The following OPRD1 variants were observed in gnomAD, a reference collection of about 807,000 sequenced individuals.
OPRD1 encodes delta-type opioid receptor.
A neutral mutation model predicts 17.5 loss-of-function variants in OPRD1; 19 were observed. The ratio of observed to expected loss-of-function variants is 1.09; its 90% CI spans 0.76 to 1.60. OPRD1 has a LOEUF of 1.60. OPRD1 is among the 40% of genes most tolerant of loss of function. OPRD1 has a pLI of 0.00. For missense variants in OPRD1, 483 were observed against 547.2 expected (o/e 0.88, Z 1.17); for synonymous variants, 256 against 240.9 (o/e 1.06, Z -0.58).
At chr1:28,846,388 G>A (rs979518745) in intron 1 of OPRD1, among the ~76,000 whole-genome samples, 1 of 151,996 alleles carries the variant, frequency 6.6e-6, no homozygotes, top group African/African-American at 2.4e-5. Context: ...CTGTCTTCCT[G>A]GCCTCTAGAT....
rs2088879176 is a variant in OPRD1, at chr1:28,839,561, G to A, written c.228-19393G>A. The stretch of plus-strand genomic sequence containing the variant: ...GGTCTAGGCTGGAGCCGTTTGTTCA[G>A]TTTGGTTCCTGAGGTACCACAGGGT... On this transcript the variant is annotated intron_variant, in intron 1 of 2. Transcript: ENST00000234961. 2.0e-5 allele frequency among the ~76,000 whole-genome samples: 3 copies of A among 152,290 alleles called. No individual in the cohort carries two copies. In the South Asian group the frequency reaches 6.2e-4, roughly 32 times the overall value.
At chr1:28,821,738 A>T (rs760547573) in intron 1 of OPRD1, among the ~76,000 whole-genome samples, 2 of 152,028 alleles carry the variant, frequency 1.3e-5, no homozygotes, top group Admixed American at 6.6e-5. Context: ...TATTATGCCA[A>T]TCTAAATAAT....
chr1:28,840,916 G>A (rs752104403), intron 1 of OPRD1, among the ~76,000 whole-genome samples: 10 of 152,026 alleles, frequency 6.6e-5, no homozygotes, highest in Admixed American at 6.6e-5. Context: ...ATGAGACTCC[G>A]TCTCAAAAAA....
intron 1 of OPRD1, among the ~76,000 whole-genome samples, chr1:28,839,693 T>A (rs2088879942): frequency 1.3e-5 from 2 of 151,890 alleles, no homozygotes; most frequent in Admixed American, 6.6e-5. Context: ...TGTGCATCAG[T>A]GGGAAAAAAA....
In OPRD1 at chr1:28,812,247, C is replaced by T; in HGVS notation, c.-137C>T. ...GGCGGCGAGGCAGGCGGACGAGGCG[C>T]AGAGACAGCGGGGCGGCCGGGGCGC... is the stretch of plus-strand genomic sequence containing the variant. On this transcript the variant is annotated 5_prime_UTR_variant, in exon 1 of 3. Coordinates refer to ENST00000234961, the MANE Select transcript of OPRD1 (RefSeq NM_000911.4). 1 of 390,926 alleles carries T rather than the reference C, an allele frequency of 2.6e-6. No individual in the cohort carries two copies. Among genetic ancestry groups the T allele is most frequent in the Non-Finnish European group, 3.8e-6 (1 of 263,108 alleles). 24.2% of individuals were successfully genotyped at this position (390,926 alleles called of 1,614,324 possible). A position where few individuals can be genotyped will look rare whatever the true frequency, so the allele number is the denominator to read the frequency against.
At chr1:28,846,933 C>G (rs554459536) in intron 1 of OPRD1, among the ~76,000 whole-genome samples, 3 of 137,582 alleles carry the variant, frequency 2.2e-5, no homozygotes, top group Non-Finnish European at 4.7e-5. Flanking sequence ...CTTTTTCTTC[C>G]TTCCTTCCTT....
intron 1 of OPRD1, among the ~76,000 whole-genome samples, chr1:28,835,671 C>T (rs2088845824): frequency 6.6e-6 from 1 of 152,226 alleles, no homozygotes; most frequent in Non-Finnish European, 1.5e-5. Context: ...GCTATTTGTT[C>T]CCCCACAGTG....
rs1473680352 is a variant in OPRD1, at chr1:28,862,750, G to C, written c.586G>C (p.Val196Leu). ...TTGTTTCCGCGGCCCAGACGGGGCA[G>C]TGGTGTGCATGCTCCAGTTCCCCAG... ...MAVTRPRDGA[V>L]VCMLQFPSPS... Residue 196 changes from valine (V) to leucine (L), a missense_variant, in exon 3 of 3, where the codon GTG (valine) becomes CTG (leucine). Physicochemically the swap from Val to Leu is conservative, Grantham distance 32 (BLOSUM62 1). Transcript: ENST00000234961. 1.2e-6 allele frequency: 2 copies of C among 1,606,066 alleles called. No homozygotes were observed. Among genetic ancestry groups the C allele is most frequent in the Non-Finnish European group, 1.7e-6 (2 of 1,175,560 alleles).
Position 28,868,199 on chromosome 1 carries a change from C to T in OPRD1, c.*4916C>T, listed in dbSNP as rs2089190838. 6.6e-6 allele frequency: 1 copy of T among 152,268 alleles called. No homozygotes were observed. The highest frequency in any genetic ancestry group is 6.5e-5 in the Admixed American group (1 of 15,282). 9.4% of individuals were successfully genotyped at this position (152,268 alleles called of 1,614,324 possible). A position where few individuals can be genotyped will look rare whatever the true frequency, so the allele number is the denominator to read the frequency against. On this transcript the variant is annotated 3_prime_UTR_variant, in exon 3 of 3. Transcript: ENST00000234961. ...CCCCCAAGCCTGGATCAAATCCCAGCTCTCAAGCTAACTGGCTGTGTGACC... is the reference window on the plus strand; with the variant it reads ...CCCCCAAGCCTGGATCAAATCCCAGTTCTCAAGCTAACTGGCTGTGTGACC...
Position 28,862,855 on chromosome 1 carries a change from G to T in OPRD1, c.691G>T (p.Val231Leu), listed in dbSNP as rs377388458. Residue 231 changes from valine (V) to leucine (L), a missense_variant, in exon 3 of 3, where the codon GTG (valine) becomes TTG (leucine). Coordinates refer to ENST00000234961, the MANE Select transcript of OPRD1 (RefSeq NM_000911.4). The part of the protein sequence containing the change: ...AFVVPILIIT[V>L]CYGLMLLRLR... Reference sequence around the variant, plus strand: ...CGTGGTGCCCATCCTCATCATCACCGTGTGCTATGGCCTCATGCTGCTGCG... The same window carrying T: ...CGTGGTGCCCATCCTCATCATCACCTTGTGCTATGGCCTCATGCTGCTGCG... 4 of 1,612,736 alleles carry T rather than the reference G, an allele frequency of 2.5e-6. No homozygotes were observed. Among genetic ancestry groups the T allele is most frequent in the Admixed American group, 1.7e-5 (1 of 60,030 alleles).
chr1:28,816,083 A>T (rs1189579062), intron 1 of OPRD1, among the ~76,000 whole-genome samples: 1 of 152,202 alleles, frequency 6.6e-6, no homozygotes, highest in Non-Finnish European at 1.5e-5. Flanking sequence ...CTTTGAGAAC[A>T]TGAGGGGCTC....
chr1:28,856,040 G>T (rs1184861950), intron 1 of OPRD1, among the ~76,000 whole-genome samples: 1 of 152,208 alleles, frequency 6.6e-6, no homozygotes, highest in Non-Finnish European at 1.5e-5. Flanking sequence ...CAAAAACACT[G>T]AGTGCCTCGT....
At chr1:28,833,926 C>G (rs2124270378) in intron 1 of OPRD1, among the ~76,000 whole-genome samples, 1 of 152,288 alleles carries the variant, frequency 6.6e-6, no homozygotes, top group South Asian at 2.1e-4. Flanking sequence ...TAGGTGGTCA[C>G]AAACCAGTGT....
rs1229227167 is a variant in OPRD1, at chr1:28,864,501, C to G, written c.*1218C>G. 6.6e-6 allele frequency: 1 copy of G among 151,784 alleles called. No individual in the cohort carries two copies. Among genetic ancestry groups the G allele is most frequent in the African/African-American group, 2.4e-5 (1 of 41,302 alleles). 9.4% of individuals were successfully genotyped at this position (151,784 alleles called of 1,614,324 possible). A position where few individuals can be genotyped will look rare whatever the true frequency, so the allele number is the denominator to read the frequency against. On this transcript the variant is annotated 3_prime_UTR_variant, in exon 3 of 3. Coordinates refer to ENST00000234961, the MANE Select transcript of OPRD1 (RefSeq NM_000911.4). ...CCCAGAACTGAGTACTAATGGGGGCCCAGAGGCTTGGGAAGGAGAAGGCTT... is the reference window on the plus strand; with the variant it reads ...CCCAGAACTGAGTACTAATGGGGGCGCAGAGGCTTGGGAAGGAGAAGGCTT...
intron 1 of OPRD1, among the ~76,000 whole-genome samples, chr1:28,833,442 T>C (rs1201252765): frequency 1.3e-5 from 2 of 152,130 alleles, no homozygotes; most frequent in Non-Finnish European, 2.9e-5. Flanking sequence ...AGTCTGAAAG[T>C]GGTAGGTGGA....
At chr1:28,834,272 A>G (rs1207962403) in intron 1 of OPRD1, among the ~76,000 whole-genome samples, 1 of 150,696 alleles carries the variant, frequency 6.6e-6, no homozygotes, top group Non-Finnish European at 1.5e-5. Context: ...ATTCCCTTTT[A>G]CCAGTTCCTC....
chr1:28,812,617 C>T lies in OPRD1; in HGVS notation c.227+7C>T. On this transcript the variant is annotated splice_region_variant and intron_variant, in intron 1 of 2. Coordinates refer to ENST00000234961, the MANE Select transcript of OPRD1 (RefSeq NM_000911.4). ...TCATGTTCGGCATCGTCCGGTGAGT[C>T]CGCTGCGGGCCGGCGCCGCAGGGCT... 1.3e-6 allele frequency: 2 copies of T among 1,493,896 alleles called. No homozygotes were observed. Among genetic ancestry groups the T allele is most frequent in the Non-Finnish European group, 1.8e-6 (2 of 1,122,808 alleles). 92.5% of individuals were successfully genotyped at this position (1,493,896 alleles called of 1,614,324 possible). A position where few individuals can be genotyped will look rare whatever the true frequency, so the allele number is the denominator to read the frequency against.
chr1:28,825,944 C>T (rs1471733141), intron 1 of OPRD1, among the ~76,000 whole-genome samples: 1 of 152,174 alleles, frequency 6.6e-6, no homozygotes, highest in Middle Eastern at 3.2e-3. Flanking sequence ...CCTGAAGTAC[C>T]AGGCACAGTT....
intron 2 of OPRD1, 40 bp from the exon 3 acceptor site, chr1:28,862,702 C>A (rs751993187): frequency 6.5e-7 from 1 of 1,543,036 alleles, no homozygotes; most frequent in Admixed American, 1.9e-5. Context: ...GGCACACAGG[C>A]CCCTCACCCC....
Sources: gnomAD v4.1 joint callset for allele counts (sites outside exome capture counted in the v4.1 genomes callset) on GRCh38, gnomAD v4.1.1 for gene constraint, MANE v1.5 for transcripts, NCBI Gene and HGNC (gene_info 2026-07-23, HGNC 2026-07-21) for gene names.